Variants in GBP6 observed in about 807,000 individuals in gnomAD.
The protein encoded by GBP6 is guanylate-binding protein 6.
Under a neutral mutation model 61.5 loss-of-function variants are expected in GBP6, and 54 were observed. The ratio of observed to expected loss-of-function variants is 0.88; its 90% CI spans 0.71 to 1.10. GBP6 has a LOEUF of 1.10. GBP6 is among the 50% of genes least tolerant of loss of function. The pLI is 0.00. For missense variants in GBP6, 748 were observed against 752.8 expected, an observed-to-expected ratio of 0.99 and a Z score of 0.07; for synonymous variants, 255 against 273.7, an observed-to-expected ratio of 0.93 and a Z score of 0.67.
At chr1:89,381,342 T>G (rs1652971941) in intron 6 of GBP6, among the ~76,000 whole-genome samples, 1 of 151,688 alleles carries the variant, frequency 6.6e-6, no homozygotes, top group African/African-American at 2.4e-5. Flanking sequence ...CATTGGTAGC[T>G]TCAGAATTAG....
At chr1:89,369,767 A>T in intron 3 of GBP6, 94 bp downstream of exon 3, 2 of 1,444,188 alleles carry the variant, frequency 1.4e-6, no homozygotes, top group Non-Finnish European at 1.8e-6. Flanking sequence ...TAGAAATCCA[A>T]CTATAGCAAA....
chr1:89,383,645 T>A lies in GBP6; in HGVS notation c.1366-7T>A. On this transcript the variant is annotated splice_region_variant and splice_polypyrimidine_tract_variant and intron_variant, in intron 8 of 10. Coordinates refer to ENST00000370456, the MANE Select transcript of GBP6 (RefSeq NM_198460.3). ...AGAAATCTAAGTGCTTTTTCTTCCT[T>A]CCATAGGCAAAAGAGGTCTTCCAGA... 1.9e-6 allele frequency: 3 copies of A among 1,589,400 alleles called. No homozygotes were observed. The highest frequency in any genetic ancestry group is 1.7e-6 in the Non-Finnish European group (2 of 1,166,966).
intron 10 of GBP6, 85 bp from the exon 11 acceptor site, chr1:89,385,145 T>C (rs554476125): frequency 8.0e-7 from 1 of 1,254,290 alleles, no homozygotes; most frequent in African/African-American, 1.5e-5. Context: ...AAAATAAAGT[T>C]TCACACAGGT....
At chr1:89,372,023 GACAA>G (rs562133616) in intron 3 of GBP6, among the ~76,000 whole-genome samples, 4,262 of 152,180 alleles carry the variant, frequency 0.028, 198 homozygotes, top group African/African-American at 0.097. Flanking sequence ...ACCAATAACA[GACAA>G]ACAGAGAGCC....
At chr1:89,375,627 T>C (rs1037851750) in intron 3 of GBP6, among the ~76,000 whole-genome samples, 2 of 152,184 alleles carry the variant, frequency 1.3e-5, no homozygotes, top group African/African-American at 4.8e-5. Flanking sequence ...TTGAGTTATA[T>C]AAGTTCCTCA....
chr1:89,386,478 G>A lies in GBP6; in HGVS notation c.*1009G>A, dbSNP rs529349207. On this transcript the variant is annotated 3_prime_UTR_variant, in exon 11 of 11. Coordinates refer to ENST00000370456, the MANE Select transcript of GBP6 (RefSeq NM_198460.3). ...TGGCTATCAGATGATGAAATTCCTT[G>A]TTGCTTCTAGGAATTACATCAGCCA... The A allele has an allele frequency of 6.6e-6, 1 of 152,296 alleles. No homozygotes were observed. Among genetic ancestry groups the A allele is most frequent in the South Asian group, 2.1e-4 (1 of 4,818 alleles). 9.4% of individuals were successfully genotyped at this position (152,296 alleles called of 1,614,324 possible). A position where few individuals can be genotyped will look rare whatever the true frequency, so the allele number is the denominator to read the frequency against.
chr1:89,372,548 GA>G (rs1030894850), intron 3 of GBP6, among the ~76,000 whole-genome samples: 41 of 152,004 alleles, frequency 2.7e-4, no homozygotes, highest in Admixed American at 2.7e-3. Flanking sequence ...AACCTGACAA[GA>G]ACAAGAAATA....
In GBP6 at chr1:89,386,827, C is replaced by A. The variant is rs1007985033; in HGVS notation, c.*1358C>A. On this transcript the variant is annotated 3_prime_UTR_variant, in exon 11 of 11. Coordinates refer to ENST00000370456, the MANE Select transcript of GBP6 (RefSeq NM_198460.3). ...ACAATGTGCCTTTCCAGAACTGAAC[C>A]CCCTGATGGGGGATGATAGACCCAG... is the stretch of plus-strand genomic sequence containing the variant. 6.6e-6 allele frequency among the ~76,000 whole-genome samples: 1 copy of A among 152,054 alleles called. No individual in the cohort carries two copies. Among genetic ancestry groups the A allele is most frequent in the Non-Finnish European group, 1.5e-5 (1 of 68,036 alleles).
chr1:89,366,502 G>C (rs1282320017), intron 1 of GBP6, among the ~76,000 whole-genome samples: 1 of 152,052 alleles, frequency 6.6e-6, no homozygotes, highest in African/African-American at 2.4e-5. Flanking sequence ...AGGTCACACT[G>C]ATGCATTAGA....
At chr1:89,372,828 C>T (rs1652684796) in intron 3 of GBP6, among the ~76,000 whole-genome samples, 2 of 152,098 alleles carry the variant, frequency 1.3e-5, no homozygotes, top group Admixed American at 1.3e-4. Context: ...TCTAATTAAA[C>T]TAAAGAGCTT....
At position 89,375,980 on chromosome 1, in the gene GBP6, C is replaced by G. The variant is rs1047858016; in HGVS notation, c.319-2123C>G. Among the ~76,000 whole-genome samples, 3 of 152,070 alleles carry G rather than the reference C, an allele frequency of 2.0e-5. No homozygotes were observed. In the East Asian group the frequency reaches 5.8e-4, roughly 29 times the overall value. ...TCCCCTCTCCACTAGCCCCTCGTAACCATCATTCTACTTTCTACTGCTATG... is the reference window on the plus strand; with the variant it reads ...TCCCCTCTCCACTAGCCCCTCGTAAGCATCATTCTACTTTCTACTGCTATG... On this transcript the variant is annotated intron_variant, in intron 3 of 10. Transcript: ENST00000370456.
At chr1:89,364,203 G>A (rs1486351586) in intron 1 of GBP6, 76 bp downstream of exon 1, 1 of 152,300 alleles carries the variant, frequency 6.6e-6, no homozygotes, top group Admixed American at 6.5e-5. Flanking sequence ...GGTAACTGAG[G>A]AATGGGCAGG....
chr1:89,382,043 T>C, intron 7 of GBP6, 69 bp downstream of exon 7: 10 of 1,422,482 alleles, frequency 7.0e-6, no homozygotes, highest in Non-Finnish European at 9.6e-6. Flanking sequence ...GTTGCCTTTA[T>C]TGTCACCAAT....
At chr1:89,364,401 G>C (rs900246046) in intron 1 of GBP6, among the ~76,000 whole-genome samples, 5 of 152,162 alleles carry the variant, frequency 3.3e-5, no homozygotes, top group African/African-American at 1.2e-4. Context: ...GCGCCTGCCT[G>C]GCTATCTCTC....
At position 89,368,669 on chromosome 1, in the gene GBP6, G is replaced by T. The variant is rs1428542550; in HGVS notation, c.118G>T (p.Val40Leu). The T allele has an allele frequency of 6.2e-7, 1 of 1,614,176 alleles. No individual in the cohort carries two copies. The highest frequency in any genetic ancestry group is 1.7e-5 in the Admixed American group (1 of 60,022). ...ILEKISQPVVVVAIVGLYRTG... is the reference protein window; with the variant it reads ...ILEKISQPVVLVAIVGLYRTG... Reference sequence around the variant, plus strand: ...TGAAAAGATTTCTCAGCCAGTGGTGGTGGTGGCCATTGTAGGACTGTACCG... The same window carrying T: ...TGAAAAGATTTCTCAGCCAGTGGTGTTGGTGGCCATTGTAGGACTGTACCG... Residue 40 changes from valine to leucine, a missense_variant, in exon 2 of 11, where the codon GTG becomes TTG. Transcript: ENST00000370456.
At chr1:89,384,809 A>C (rs1014469504) in intron 10 of GBP6, among the ~76,000 whole-genome samples, 7 of 152,216 alleles carry the variant, frequency 4.6e-5, no homozygotes, top group Non-Finnish European at 1.0e-4. Context: ...CCAAATTAGC[A>C]CACAGTGTAG....
chr1:89,365,186 A>G (rs1261268420), intron 1 of GBP6, among the ~76,000 whole-genome samples: 3 of 152,222 alleles, frequency 2.0e-5, no homozygotes, highest in Non-Finnish European at 4.4e-5. Flanking sequence ...TATGTACATC[A>G]GAGTGTGAAA....
chr1:89,367,020 T>A (rs1222461968), intron 1 of GBP6, among the ~76,000 whole-genome samples: 1 of 152,242 alleles, frequency 6.6e-6, no homozygotes, highest in Non-Finnish European at 1.5e-5. Context: ...TAGCTGATTG[T>A]AGGTATATAC....
At chr1:89,370,113 T>A (rs1652581667) in intron 3 of GBP6, among the ~76,000 whole-genome samples, 1 of 152,212 alleles carries the variant, frequency 6.6e-6, no homozygotes, top group South Asian at 2.1e-4. Context: ...TTTTGAGTTA[T>A]CATGTTTTGG....
Sources: gnomAD v4.1 joint callset for allele counts (sites outside exome capture counted in the v4.1 genomes callset) on GRCh38, gnomAD v4.1.1 for gene constraint, MANE v1.5 for transcripts, NCBI Gene and HGNC (gene_info 2026-07-23, HGNC 2026-07-21) for gene names.